The following CALN1 variants were observed in gnomAD, a reference collection of about 807,000 sequenced individuals.
CALN1 encodes calcium-binding protein 8.
A neutral mutation model predicts 30.6 loss-of-function variants in CALN1; 17 were observed. The observed-to-expected ratio is 0.56, with a 90% CI of 0.38 to 0.83. The LOEUF is 0.83. Among genes scored for constraint, CALN1 ranks in the 40% least tolerant of loss-of-function variants. The pLI is 0.00. For synonymous variants in CALN1, 156 were observed against 131.4 expected (o/e 1.19, Z -1.28); for missense variants, 291 against 354.9 (o/e 0.82, Z 1.45).
intron 2 of CALN1, among the ~76,000 whole-genome samples, chr7:72,393,561 G>C (rs547165518): frequency 6.6e-6 from 1 of 152,252 alleles, no homozygotes; most frequent in South Asian, 2.1e-4. Flanking sequence ...CATAAAGCAA[G>C]GAGGACACTG....
At chr7:72,181,192 A>G (rs1562699314) in intron 3 of CALN1, among the ~76,000 whole-genome samples, 2 of 145,836 alleles carry the variant, frequency 1.4e-5, no homozygotes, top group East Asian at 4.0e-4. Context: ...CTATATATGT[A>G]TGTATTGTTA....
chr7:71,981,866 T>G (rs1798414451), intron 5 of CALN1, among the ~76,000 whole-genome samples: 1 of 152,102 alleles, frequency 6.6e-6, no homozygotes, highest in African/African-American at 2.4e-5. Context: ...CACAGAAGTC[T>G]TCCTCTGTGT....
At chr7:72,117,421 T>C (rs1480845614) in intron 3 of CALN1, among the ~76,000 whole-genome samples, 1 of 152,136 alleles carries the variant, frequency 6.6e-6, no homozygotes, top group Admixed American at 6.5e-5. Flanking sequence ...GGATTTGGTA[T>C]GTTATTACCT....
chr7:72,261,256 G>A (rs543385288), intron 3 of CALN1, among the ~76,000 whole-genome samples: 20 of 152,104 alleles, frequency 1.3e-4, no homozygotes, highest in South Asian at 4.2e-4. Flanking sequence ...TGCAGTAAGC[G>A]GAGATCACGC....
At chr7:72,336,047 A>T (rs1277861218) in intron 2 of CALN1, among the ~76,000 whole-genome samples, 1 of 151,994 alleles carries the variant, frequency 6.6e-6, no homozygotes, top group Non-Finnish European at 1.5e-5. Flanking sequence ...AGCTGCTTGG[A>T]GCTCAGAGAC....
In CALN1 at chr7:72,370,009, A is replaced by G. The variant is rs538665806; in HGVS notation, c.119+33242T>C. 4.6e-5 allele frequency among the ~76,000 whole-genome samples: 7 copies of G among 152,124 alleles called. No individual in the cohort carries two copies. The South Asian group carries it at 1.4e-3, about 32-fold the overall frequency. On this transcript the variant is annotated intron_variant, in intron 2 of 6. Transcript: ENST00000395275. Reference sequence around the variant, plus strand: ...TAGAAATGTAATGTACATCATACAAAAAATGTATGTGTGTTATTTTTAAAA... The same window carrying G: ...TAGAAATGTAATGTACATCATACAAGAAATGTATGTGTGTTATTTTTAAAA...
intron 3 of CALN1, among the ~76,000 whole-genome samples, chr7:72,161,875 C>T (rs1022213616): frequency 6.6e-6 from 1 of 151,874 alleles, no homozygotes; most frequent in Non-Finnish European, 1.5e-5. Flanking sequence ...ACCTACGTAA[C>T]AAACCTGCAT....
chr7:71,930,366 T>A (rs548005748), intron 5 of CALN1, among the ~76,000 whole-genome samples: 1 of 152,298 alleles, frequency 6.6e-6, no homozygotes, highest in East Asian at 1.9e-4. Flanking sequence ...CTTTTGTGTA[T>A]CTTCTTAGGA....
At chr7:72,447,493 G>A (rs1003879488), upstream of CALN1, among the ~76,000 whole-genome samples, 8 of 152,120 alleles carry the variant, frequency 5.3e-5, no homozygotes, top group African/African-American at 1.9e-4. Flanking sequence ...AAAGAGCGGG[G>A]CTCCGTGGAG....
chr7:72,293,717 C>G (rs1798651631), intron 2 of CALN1, among the ~76,000 whole-genome samples: 1 of 152,104 alleles, frequency 6.6e-6, no homozygotes, highest in South Asian at 2.1e-4. Flanking sequence ...CCCATGTTAG[C>G]TTAGGACACT....
At chr7:71,961,755 C>A (rs1797258139) in intron 5 of CALN1, among the ~76,000 whole-genome samples, 1 of 152,134 alleles carries the variant, frequency 6.6e-6, no homozygotes, top group Non-Finnish European at 1.5e-5. Flanking sequence ...CCAATTCAGA[C>A]AATGGCAAGA....
intron 5 of CALN1, among the ~76,000 whole-genome samples, chr7:71,835,588 A>G (rs748716927): frequency 1.3e-5 from 2 of 152,344 alleles, no homozygotes; most frequent in East Asian, 1.9e-4. Context: ...ATCTTTTTAA[A>G]TTTATTTGTT....
intron 5 of CALN1, among the ~76,000 whole-genome samples, chr7:71,932,456 C>T (rs757007157): frequency 2.0e-5 from 3 of 152,074 alleles, no homozygotes; most frequent in African/African-American, 7.2e-5. Context: ...CATGAGCTAT[C>T]GTGCCTGGTG....
chr7:71,788,491 GTT>G lies in CALN1; in HGVS notation c.659-591_659-590del, dbSNP rs1298189911. ...CATTACTAAGAGGTTTTTTTTTGTT[GTT>G]TTTTTTTTTTTTTTTAGAGAAAGTG... is the stretch of plus-strand genomic sequence containing the variant. On this transcript the variant is annotated intron_variant, in intron 6 of 6. Transcript: ENST00000395275. Among the ~76,000 whole-genome samples the G allele has an allele frequency of 3.3e-3, 419 of 126,794 alleles. 12 individuals carry two copies. The South Asian group carries it at 0.034, about 10-fold the overall frequency. 83.2% of individuals were successfully genotyped at this position (126,794 alleles called of 152,430 possible).
intron 3 of CALN1, among the ~76,000 whole-genome samples, chr7:72,123,485 C>T (rs1425280119): frequency 3.3e-5 from 5 of 152,176 alleles, no homozygotes; most frequent in Admixed American, 6.5e-5. Flanking sequence ...GTAAACACCG[C>T]GCCATGTCTT....
intron 4 of CALN1, among the ~76,000 whole-genome samples, chr7:72,044,546 T>C (rs1802340035): frequency 6.7e-6 from 1 of 150,298 alleles, no homozygotes; most frequent in African/African-American, 2.4e-5. Flanking sequence ...TTCTATCTAC[T>C]CCGACGGTTG....
At chr7:71,903,864 A>C (rs1325201342) in intron 5 of CALN1, among the ~76,000 whole-genome samples, 4 of 152,174 alleles carry the variant, frequency 2.6e-5, no homozygotes, top group Non-Finnish European at 5.9e-5. Context: ...AAAACAAAAA[A>C]CTGGATTCAA....
chr7:71,889,827 C>T (rs562093108), intron 5 of CALN1, among the ~76,000 whole-genome samples: 15 of 152,206 alleles, frequency 9.9e-5, no homozygotes, highest in African/African-American at 1.9e-4. Context: ...TGGTGGCACA[C>T]GCCTGTAATC....
intron 5 of CALN1, among the ~76,000 whole-genome samples, chr7:71,824,350 G>A (rs1343219459): frequency 2.0e-5 from 3 of 152,040 alleles, no homozygotes; most frequent in Non-Finnish European, 2.9e-5. Context: ...CTCTACAGGT[G>A]GACTTCCCAT....
Sources: allele counts gnomAD v4.1 joint callset (sites outside exome capture counted in the v4.1 genomes callset), GRCh38; gene constraint gnomAD v4.1.1; transcripts MANE v1.5; gene names NCBI Gene and HGNC (gene_info 2026-07-23, HGNC 2026-07-21).